PALD1: variants seen among roughly 807,000 people sequenced by gnomAD.
The protein encoded by PALD1 is paladin.
A neutral mutation model predicts 96.0 loss-of-function variants in PALD1; 57 were observed. The ratio of observed to expected loss-of-function variants is 0.59; its 90% CI spans 0.48 to 0.74. PALD1 has a LOEUF of 0.74. PALD1 is among the 30% of genes least tolerant of loss of function. The pLI is 0.00. For synonymous variants in PALD1, 464 were observed against 473.6 expected (o/e 0.98, Z 0.26); for missense variants, 1,063 against 1,143.7 (o/e 0.93, Z 1.02).
intron 1 of PALD1, among the ~76,000 whole-genome samples, chr10:70,513,165 T>G (rs1846548616): frequency 6.6e-6 from 1 of 152,096 alleles, no homozygotes; most frequent in African/African-American, 2.4e-5. Context: ...TTAACCCCCA[T>G]TTTTTTATTT....
chr10:70,460,674 C>T, the PALD1 span, among the ~76,000 whole-genome samples: 3 of 152,200 alleles, frequency 2.0e-5, no homozygotes, highest in Admixed American at 6.5e-5. Flanking sequence ...CCTGGCCCCC[C>T]AGAATCCACT....
chr10:70,511,527 A>G (rs1846516851), intron 1 of PALD1, among the ~76,000 whole-genome samples: 1 of 152,236 alleles, frequency 6.6e-6, no homozygotes, highest in African/African-American at 2.4e-5. Flanking sequence ...TTCTGCTGCT[A>G]TCACAGAATA....
At chr10:70,460,775 G>C in the PALD1 span, among the ~76,000 whole-genome samples, 1 of 152,180 alleles carries the variant, frequency 6.6e-6, no homozygotes, top group African/African-American at 2.4e-5. Flanking sequence ...CAAGCTCCAG[G>C]CCGGGCCAGG....
the PALD1 span, among the ~76,000 whole-genome samples, chr10:70,464,792 A>AT: frequency 6.7e-6 from 1 of 148,536 alleles, no homozygotes; most frequent in African/African-American, 2.5e-5. Flanking sequence ...CGCCCGGCTA[A>AT]TTTTTTTGTA....
At chr10:70,490,323 G>A (rs1393065372) in intron 1 of PALD1, among the ~76,000 whole-genome samples, 1 of 152,118 alleles carries the variant, frequency 6.6e-6, no homozygotes, top group Non-Finnish European at 1.5e-5. Context: ...CTGGGCTCAG[G>A]TGATCCTCCC....
At chr10:70,466,508 G>A in the PALD1 span, among the ~76,000 whole-genome samples, 1 of 152,258 alleles carries the variant, frequency 6.6e-6, no homozygotes, top group South Asian at 2.1e-4. Flanking sequence ...TTCCCAAAGT[G>A]TCGGGATTAC....
chr10:70,481,242 C>T (rs1317955432), intron 1 of PALD1, among the ~76,000 whole-genome samples: 12 of 152,176 alleles, frequency 7.9e-5, no homozygotes, highest in East Asian at 1.9e-4. Flanking sequence ...CCAGAGCCAG[C>T]GGACAGCAGA....
At chr10:70,519,573 C>CTTTTTT (rs1192092171) in intron 1 of PALD1, among the ~76,000 whole-genome samples, 7 of 133,696 alleles carry the variant, frequency 5.2e-5, no homozygotes, top group African/African-American at 2.0e-4. Context: ...TTCTTTCTTT[C>CTTTTTT]TTTTTTTTTT....
intron 1 of PALD1, among the ~76,000 whole-genome samples, chr10:70,506,468 A>T (rs531563138): frequency 6.6e-5 from 10 of 152,172 alleles, no homozygotes; most frequent in African/African-American, 2.4e-4. Context: ...GTAGGATTAG[A>T]TGACAGATGC....
intron 7 of PALD1, 73 bp downstream of exon 7, chr10:70,533,143 C>A: frequency 8.3e-7 from 1 of 1,204,718 alleles, no homozygotes; most frequent in Non-Finnish European, 1.2e-6. Flanking sequence ...AGGGTGGGCA[C>A]AGCCTCTCGC....
chr10:70,526,940 T>C (rs1232940754), intron 2 of PALD1, among the ~76,000 whole-genome samples: 4 of 152,060 alleles, frequency 2.6e-5, no homozygotes, highest in African/African-American at 4.8e-5. Flanking sequence ...GGTCCTTCTG[T>C]ATAAGGAAAC....
At chr10:70,547,215 G>T (rs968425881) in intron 17 of PALD1, 91 bp from the exon 18 acceptor site, 1 of 1,172,416 alleles carries the variant, frequency 8.5e-7, no homozygotes, top group South Asian at 1.3e-5. Flanking sequence ...CTTAGGCCTG[G>T]TGTGGCCTTT....
intron 1 of PALD1, among the ~76,000 whole-genome samples, chr10:70,510,739 C>T (rs1005361422): frequency 6.6e-6 from 1 of 152,324 alleles, no homozygotes; most frequent in Admixed American, 6.5e-5. Context: ...CCTCCAGATG[C>T]AGAGAGGCTT....
In PALD1 at chr10:70,562,547, C is replaced by A. The variant is rs1384389454; in HGVS notation, c.2263-1817C>A. Among the ~76,000 whole-genome samples, 5 of 152,204 alleles carry A rather than the reference C, an allele frequency of 3.3e-5. No homozygotes were observed. In the East Asian group the frequency reaches 9.6e-4, roughly 29 times the overall value. ...GGAAGGGCTTCCAGCTGCAGCCCAGCTGTGAGGAGAGCAGCCCTTTCCGGC... is the reference window on the plus strand; with the variant it reads ...GGAAGGGCTTCCAGCTGCAGCCCAGATGTGAGGAGAGCAGCCCTTTCCGGC... On this transcript the variant is annotated intron_variant, in intron 18 of 19. Coordinates refer to ENST00000263563, the MANE Select transcript of PALD1 (RefSeq NM_014431.3).
At chr10:70,544,104 T>C (rs1356024282) in intron 17 of PALD1, among the ~76,000 whole-genome samples, 2 of 152,132 alleles carry the variant, frequency 1.3e-5, no homozygotes, top group Non-Finnish European at 2.9e-5. Flanking sequence ...AAAGGATCAA[T>C]AGAGCGTGAA....
At chr10:70,472,227 G>T in the PALD1 span, among the ~76,000 whole-genome samples, 3 of 152,198 alleles carry the variant, frequency 2.0e-5, no homozygotes, top group Non-Finnish European at 4.4e-5. Flanking sequence ...GAGTGGTGTT[G>T]CCTGGAGACA....
Position 70,539,822 on chromosome 10 carries a change from C to G in PALD1, c.1908+60C>G. 6.9e-7 allele frequency: 1 copy of G among 1,453,396 alleles called. No individual in the cohort carries two copies. The highest frequency in any genetic ancestry group is 2.4e-5 in the East Asian group (1 of 42,208). The allele number at this position is 1,453,396 out of a possible 1,614,324, so 90.0% of individuals were successfully genotyped here. A position where few individuals can be genotyped will look rare whatever the true frequency, so the allele number is the denominator to read the frequency against. ...GGGACAGGAGGCCTCCCTGTCTCCC[C>G]TCTGGTCTGGGCTCTGGGAGAATGA... On this transcript the variant is annotated intron_variant, in intron 15 of 19. Transcript: ENST00000263563. This position sits in a 1 kb window ranked among gnomAD's most constrained non-coding sequence, Gnocchi z 4.5.
chr10:70,560,409 G>A (rs1847714089), intron 18 of PALD1, among the ~76,000 whole-genome samples: 1 of 150,852 alleles, frequency 6.6e-6, no homozygotes, highest in African/African-American at 2.5e-5. Flanking sequence ...TCTTTGAAGG[G>A]TTAACTAAGC....
intron 18 of PALD1, among the ~76,000 whole-genome samples, chr10:70,549,902 C>T (rs868607969): frequency 9.2e-5 from 14 of 152,158 alleles, no homozygotes; most frequent in African/African-American, 3.4e-4. Flanking sequence ...AGGATTCTTA[C>T]CCGCTCCCAC....
Sources: gnomAD v4.1 joint callset for allele counts (sites outside exome capture counted in the v4.1 genomes callset) on GRCh38, gnomAD v4.1.1 for gene constraint, Gnocchi (gnomAD v3.1) non-coding constraint, MANE v1.5 for transcripts, NCBI Gene and HGNC (gene_info 2026-07-23, HGNC 2026-07-21) for gene names.